The following NDST3 variants were observed in gnomAD, a reference collection of about 807,000 sequenced individuals.
NDST3 encodes the protein N-deacetylase and N-sulfotransferase 3, also known as bifunctional heparan sulfate N-deacetylase/N-sulfotransferase 3.
In NDST3, 58 loss-of-function variants were observed where a neutral mutation model predicts 96.1. That is an observed-to-expected ratio of 0.60 (90% CI 0.49 to 0.75). The LOEUF is 0.75. NDST3 is among the 30% of genes least tolerant of loss of function. The pLI is 0.00. For synonymous variants in NDST3, 333 were observed against 359.7 expected, an observed-to-expected ratio of 0.93 and a Z score of 0.84; for missense variants, 788 against 1,034.2, an observed-to-expected ratio of 0.76 and a Z score of 3.27.
intron 2 of NDST3, among the ~76,000 whole-genome samples, chr4:118,068,559 T>C (rs1347811207): frequency 2.0e-5 from 3 of 152,238 alleles, no homozygotes; most frequent in East Asian, 1.9e-4. Flanking sequence ...CTTTAAATGT[T>C]TGCTTAAAAA....
chr4:118,233,890 A>G (rs1740472008), intron 9 of NDST3, among the ~76,000 whole-genome samples: 1 of 152,202 alleles, frequency 6.6e-6, no homozygotes, highest in Non-Finnish European at 1.5e-5. Flanking sequence ...ATAGTCATAT[A>G]TATCTCTTGT....
At chr4:118,089,306 A>G (rs1311361110) in intron 2 of NDST3, among the ~76,000 whole-genome samples, 1 of 151,876 alleles carries the variant, frequency 6.6e-6, no homozygotes, top group Non-Finnish European at 1.5e-5. Flanking sequence ...TACCTAGACA[A>G]TTTTATCATT....
chr4:118,217,417 C>T lies in NDST3; in HGVS notation c.1540-7074C>T, dbSNP rs1739261256. On this transcript the variant is annotated intron_variant, in intron 6 of 13. Transcript: ENST00000296499. ...GAATTATAGTATAGGAAGTTCAGGC[C>T]CAGAGCATCATTAGAATATCCTTTC... 2.0e-5 allele frequency among the ~76,000 whole-genome samples: 3 copies of T among 151,958 alleles called. No homozygotes were observed. The South Asian group carries it at 6.2e-4, about 32-fold the overall frequency.
intron 1 of NDST3, among the ~76,000 whole-genome samples, chr4:118,041,997 G>A (rs1375593071): frequency 6.6e-6 from 1 of 152,140 alleles, no homozygotes; most frequent in Non-Finnish European, 1.5e-5. Flanking sequence ...GTCAGCAAAG[G>A]CTTCCCTGAG....
At chr4:118,119,572 T>C (rs751075759) in intron 4 of NDST3, among the ~76,000 whole-genome samples, 9 of 152,180 alleles carry the variant, frequency 5.9e-5, no homozygotes, top group Non-Finnish European at 8.8e-5. Flanking sequence ...ACATTGGCCA[T>C]TGTTCAGAGC....
intron 2 of NDST3, among the ~76,000 whole-genome samples, chr4:118,076,526 T>C (rs1296608144): frequency 6.6e-6 from 1 of 152,170 alleles, no homozygotes. Context: ...TCTGACTGAG[T>C]TAATTAGGAA....
At chr4:118,189,818 T>G (rs778568973) in intron 6 of NDST3, among the ~76,000 whole-genome samples, 7 of 152,188 alleles carry the variant, frequency 4.6e-5, no homozygotes, top group Non-Finnish European at 7.4e-5. Flanking sequence ...AAAACCAAAT[T>G]TTATTTTTAG....
intron 12 of NDST3, among the ~76,000 whole-genome samples, chr4:118,244,274 G>A (rs1741175024): frequency 6.6e-6 from 1 of 152,078 alleles, no homozygotes; most frequent in South Asian, 2.1e-4. Context: ...TCTGAAACCT[G>A]TCTTCACAAT....
chr4:118,197,028 G>A (rs1042356328), intron 6 of NDST3, among the ~76,000 whole-genome samples: 1 of 150,500 alleles, frequency 6.6e-6, no homozygotes, highest in Non-Finnish European at 1.5e-5. Flanking sequence ...CAACAAAATG[G>A]TATGTTGTGT....
chr4:118,193,633 G>A, intron 6 of NDST3: 4 of 1,283,360 alleles, frequency 3.1e-6, no homozygotes, highest in Middle Eastern at 2.6e-4. Context: ...CGTTGTTGGG[G>A]TAGAGCTGCA....
rs748893312 is a variant in NDST3, at chr4:118,053,747, AT to A, written c.-155-4del. On this transcript the variant is annotated splice_polypyrimidine_tract_variant and splice_region_variant and intron_variant, in intron 1 of 13. Transcript: ENST00000296499. Reference sequence around the variant, plus strand: ...AACTGACTGTTTTATATTCTTTTCTATTTTTCAGACTGTATTTTCTGTGAGT... The same window carrying A: ...AACTGACTGTTTTATATTCTTTTCTATTTTCAGACTGTATTTTCTGTGAGT... 2.6e-4 allele frequency: 181 copies of A among 701,542 alleles called. No individual in the cohort carries two copies. The Middle Eastern group carries it at 5.4e-3, about 21-fold the overall frequency. The allele number at this position is 701,542 out of a possible 1,614,324, so 43.5% of individuals were successfully genotyped here.
In NDST3 at chr4:118,122,806, C is replaced by T. The variant is rs76378017; in HGVS notation, c.1224+7846C>T. The stretch of plus-strand genomic sequence containing the variant: ...TATTTACTAGACATTGCGCTTAGGG[C>T]TTTCCATACATCCTCGGTTAATTCT... On this transcript the variant is annotated intron_variant, in intron 4 of 13. Coordinates refer to ENST00000296499, the MANE Select transcript of NDST3 (RefSeq NM_004784.3). 7.2e-5 allele frequency among the ~76,000 whole-genome samples: 11 copies of T among 152,298 alleles called. No individual in the cohort carries two copies. In the East Asian group the frequency reaches 2.1e-3, roughly 29 times the overall value.
intron 2 of NDST3, chr4:118,055,174 T>C (rs949518848): frequency 5.2e-6 from 2 of 387,872 alleles, no homozygotes; most frequent in African/African-American, 2.1e-5. Flanking sequence ...GTTTAATTAC[T>C]TTCCAGAAAC....
At chr4:118,081,070 T>C (rs1727969985) in intron 2 of NDST3, among the ~76,000 whole-genome samples, 1 of 152,206 alleles carries the variant, frequency 6.6e-6, no homozygotes, top group Non-Finnish European at 1.5e-5. Flanking sequence ...TACTTACGCA[T>C]GTGAACCCAT....
chr4:118,238,162 A>AG (rs879526885), intron 10 of NDST3, among the ~76,000 whole-genome samples: 8,305 of 29,782 alleles, frequency 0.28, 723 homozygotes, highest in Middle Eastern at 0.43. Context: ...AAGAAAAGAA[A>AG]GAAAGAAAGA....
chr4:118,034,794 T>C (rs941584416), intron 1 of NDST3, among the ~76,000 whole-genome samples: 4 of 152,244 alleles, frequency 2.6e-5, no homozygotes, highest in Non-Finnish European at 5.9e-5. Context: ...GGGATGATTT[T>C]AAAGCTTCCC....
chr4:118,149,491 C>T (rs1734221077), intron 6 of NDST3, among the ~76,000 whole-genome samples: 1 of 134,544 alleles, frequency 7.4e-6, no homozygotes, highest in African/African-American at 2.5e-5. Context: ...AGTTGGATTC[C>T]GAGGTATTTT....
chr4:118,068,230 C>T (rs904829801), intron 2 of NDST3, among the ~76,000 whole-genome samples: 1 of 128,228 alleles, frequency 7.8e-6, no homozygotes, highest in Non-Finnish European at 1.6e-5. Flanking sequence ...TGAACTTGAA[C>T]TCCCGGGCTC....
At chr4:118,085,889 G>A (rs532713746) in intron 2 of NDST3, among the ~76,000 whole-genome samples, 2 of 152,186 alleles carry the variant, frequency 1.3e-5, no homozygotes, top group East Asian at 1.9e-4. Flanking sequence ...TATGTGTTCC[G>A]CTGAGCATTT....
Sources: allele counts gnomAD v4.1 joint callset (sites outside exome capture counted in the v4.1 genomes callset), GRCh38; gene constraint gnomAD v4.1.1; transcripts MANE v1.5; gene names NCBI Gene and HGNC (gene_info 2026-07-23, HGNC 2026-07-21).